NKAIN3: variants seen among roughly 807,000 people sequenced by gnomAD.
The protein encoded by NKAIN3 is sodium/potassium-transporting ATPase subunit beta-1-interacting protein 3.
Under a neutral mutation model 30.2 loss-of-function variants are expected in NKAIN3, and 25 were observed. The observed-to-expected ratio is 0.83, with a 90% CI of 0.60 to 1.16. The LOEUF (loss-of-function observed/expected upper bound fraction) is 1.16. Ranked by LOEUF, NKAIN3 falls within the 50% of genes most tolerant of loss-of-function variation. The pLI is 0.00. For synonymous variants in NKAIN3, 91 were observed against 89.6 expected (o/e 1.02, Z -0.09); for missense variants, 225 against 254.1 (o/e 0.89, Z 0.78).
intron 1 of NKAIN3, among the ~76,000 whole-genome samples, chr8:62,382,274 GA>G (rs1392561920): frequency 2.0e-5 from 3 of 152,076 alleles, no homozygotes; most frequent in African/African-American, 7.2e-5. Context: ...ATAAAGAAGA[GA>G]AAATATGTTT....
intron 1 of NKAIN3, among the ~76,000 whole-genome samples, chr8:62,309,037 T>G (rs1427049367): frequency 6.6e-6 from 1 of 150,534 alleles, no homozygotes; most frequent in Non-Finnish European, 1.5e-5. Context: ...TAGATAGAAA[T>G]GTCCTGTGTT....
rs150382189 is a variant in NKAIN3 at position 62,640,459 on chromosome 8, T to C, written c.273+50665T>C. The stretch of plus-strand genomic sequence containing the variant: ...CAGGCATGAGGAACTCTGAGTCAAT[T>C]AAACCTCTTTTCTTATAAATTGCCT... On this transcript the variant is annotated intron_variant, in intron 3 of 6. Transcript: ENST00000623646. Among the ~76,000 whole-genome samples the C allele has an allele frequency of 3.4e-4, 52 of 152,292 alleles. No individual in the cohort carries two copies. The East Asian group carries it at 7.9e-3, about 23-fold the overall frequency.
At chr8:62,991,736 T>A (rs1563657614) in intron 5 of NKAIN3, among the ~76,000 whole-genome samples, 1 of 152,232 alleles carries the variant, frequency 6.6e-6, no homozygotes, top group Non-Finnish European at 1.5e-5. Flanking sequence ...GGTGCTTGAT[T>A]CTGTCTTTGT....
chr8:62,338,769 G>C (rs999477988), intron 1 of NKAIN3, among the ~76,000 whole-genome samples: 2 of 151,926 alleles, frequency 1.3e-5, no homozygotes, highest in African/African-American at 2.4e-5. Context: ...AAAGATGTAG[G>C]CTGGGAGACT....
intron 1 of NKAIN3, among the ~76,000 whole-genome samples, chr8:62,554,598 A>G (rs1004645604): frequency 1.3e-4 from 20 of 152,362 alleles, no homozygotes; most frequent in African/African-American, 4.8e-4. Context: ...TTAATAAAAC[A>G]TATAAGCAAT....
chr8:62,356,185 A>T (rs1816349196), intron 1 of NKAIN3, among the ~76,000 whole-genome samples: 1 of 152,188 alleles, frequency 6.6e-6, no homozygotes, highest in Non-Finnish European at 1.5e-5. Flanking sequence ...CTGGACCATA[A>T]GTCACTTCCT....
At chr8:62,940,693 T>C (rs755490752) in intron 5 of NKAIN3, among the ~76,000 whole-genome samples, 1 of 152,040 alleles carries the variant, frequency 6.6e-6, no homozygotes, top group Non-Finnish European at 1.5e-5. Context: ...GAAATCAAGA[T>C]GGAAACTTAA....
intron 4 of NKAIN3, among the ~76,000 whole-genome samples, chr8:62,854,273 T>A (rs1425852960): frequency 6.6e-6 from 1 of 152,228 alleles, no homozygotes; most frequent in Non-Finnish European, 1.5e-5. Context: ...TCTGCCTCAA[T>A]GATCTGCCTA....
intron 4 of NKAIN3, among the ~76,000 whole-genome samples, chr8:62,783,494 G>A (rs1817421047): frequency 1.3e-5 from 2 of 151,824 alleles, no homozygotes; most frequent in Non-Finnish European, 2.9e-5. Context: ...AGCAGAATGA[G>A]ACACAGAGAA....
At chr8:62,931,100 A>G (rs1225632949) in intron 5 of NKAIN3, among the ~76,000 whole-genome samples, 1 of 152,214 alleles carries the variant, frequency 6.6e-6, no homozygotes, top group Non-Finnish European at 1.5e-5. Context: ...AACATTTAAC[A>G]TGAATTCATT....
At chr8:62,712,253 A>T (rs1401929711) in intron 3 of NKAIN3, among the ~76,000 whole-genome samples, 1 of 152,110 alleles carries the variant, frequency 6.6e-6, no homozygotes, top group South Asian at 2.1e-4. Flanking sequence ...AATATCAGCT[A>T]TGGTAGTATG....
intron 1 of NKAIN3, among the ~76,000 whole-genome samples, chr8:62,481,525 T>C (rs969138534): frequency 2.6e-5 from 4 of 152,214 alleles, no homozygotes; most frequent in Admixed American, 2.0e-4. Flanking sequence ...GGGCTGGGCC[T>C]GGGTCTTGCT....
intron 5 of NKAIN3, chr8:62,990,441 T>C: frequency 1.1e-6 from 1 of 915,406 alleles, no homozygotes. Context: ...TTTACATTGA[T>C]TCCTAAAGAT....
chr8:62,413,838 A>C (rs565289736), intron 1 of NKAIN3, among the ~76,000 whole-genome samples: 91 of 152,292 alleles, frequency 6.0e-4, no homozygotes, highest in Admixed American at 2.4e-3. Context: ...ATTGAGTTAT[A>C]ACTTCTTATT....
At chr8:62,812,265 A>C (rs1818511357) in intron 4 of NKAIN3, among the ~76,000 whole-genome samples, 1 of 151,924 alleles carries the variant, frequency 6.6e-6, no homozygotes, top group Non-Finnish European at 1.5e-5. Context: ...TATTGGGTTG[A>C]ATAATTCTTT....
At chr8:62,484,900 G>A (rs1806848645) in intron 1 of NKAIN3, among the ~76,000 whole-genome samples, 1 of 152,182 alleles carries the variant, frequency 6.6e-6, no homozygotes, top group Admixed American at 6.5e-5. Flanking sequence ...CAGTCCAGGT[G>A]TAGGCCAGCA....
At chr8:62,453,109 C>T (rs1805703268) in intron 1 of NKAIN3, among the ~76,000 whole-genome samples, 1 of 152,064 alleles carries the variant, frequency 6.6e-6, no homozygotes, top group South Asian at 2.1e-4. Flanking sequence ...TTTAAGTTTT[C>T]TTTAAAATAA....
At chr8:62,728,636 G>T (rs1012067468) in intron 3 of NKAIN3, among the ~76,000 whole-genome samples, 22 of 151,678 alleles carry the variant, frequency 1.5e-4, no homozygotes, top group Non-Finnish European at 2.9e-4. Flanking sequence ...TTGCACTCCA[G>T]CCTGGGCGAC....
chr8:62,392,665 GA>G (rs1466918600), intron 1 of NKAIN3, among the ~76,000 whole-genome samples: 1 of 151,768 alleles, frequency 6.6e-6, no homozygotes, highest in African/African-American at 2.4e-5. Flanking sequence ...GATATAGTAT[GA>G]AAAAAAGAAA....
Sources: gnomAD v4.1 joint callset for allele counts (sites outside exome capture counted in the v4.1 genomes callset) on GRCh38, gnomAD v4.1.1 for gene constraint, MANE v1.5 for transcripts, NCBI Gene and HGNC (gene_info 2026-07-23, HGNC 2026-07-21) for gene names.